The following GLB1L3 variants were observed in gnomAD, a reference collection of about 807,000 sequenced individuals.
GLB1L3 encodes the protein galactosidase beta 1 like 3, also known as beta-galactosidase-1-like protein 3.
In GLB1L3, 89 loss-of-function variants were observed where a neutral mutation model predicts 89.5. That is an observed-to-expected ratio of 0.99 (90% CI 0.84 to 1.19). The LOEUF is 1.19. Ranked by LOEUF, GLB1L3 falls within the 50% of genes most tolerant of loss-of-function variation. The pLI is 0.00. For missense variants in GLB1L3, 812 were observed against 813.3 expected, an observed-to-expected ratio of 1.00 and a Z score of 0.02; for synonymous variants, 314 against 312.3, an observed-to-expected ratio of 1.01 and a Z score of -0.06.
At chr11:134,293,628 A>C (rs1297071926) in intron 9 of GLB1L3, among the ~76,000 whole-genome samples, 2 of 152,080 alleles carry the variant, frequency 1.3e-5, no homozygotes, top group Non-Finnish European at 2.9e-5. Context: ...TAAGACGTGG[A>C]TTGAGCGGCT....
At chr11:134,295,724 T>C (rs1465572254) in intron 9 of GLB1L3, among the ~76,000 whole-genome samples, 1 of 152,200 alleles carries the variant, frequency 6.6e-6, no homozygotes, top group Non-Finnish European at 1.5e-5. Flanking sequence ...GAACTTTTTT[T>C]CTTTTCTAAT....
At chr11:134,310,916 G>C in intron 12 of GLB1L3, 148 bp from the exon 13 acceptor site, 2 of 676,956 alleles carry the variant, frequency 3.0e-6, no homozygotes, top group African/African-American at 1.8e-5. Flanking sequence ...TGCGAAGATT[G>C]AGTTACTCTT....
chr11:134,286,913 C>A (rs1941029722), intron 6 of GLB1L3, among the ~76,000 whole-genome samples: 1 of 151,678 alleles, frequency 6.6e-6, no homozygotes. Flanking sequence ...GTAATTCCAG[C>A]ACTTTGGGAG....
In GLB1L3 at chr11:134,281,235, C is replaced by T. The variant is rs113095861; in HGVS notation, c.363-142C>T. 4.8e-3 allele frequency: 4,399 copies of T among 925,602 alleles called. 127 individuals are homozygous for T. The African/African-American group carries it at 0.063, about 13-fold the overall frequency. The allele number at this position is 925,602 out of a possible 1,614,324, so 57.3% of individuals were successfully genotyped here. A position where few individuals can be genotyped will look rare whatever the true frequency, so the allele number is the denominator to read the frequency against. ...TTAAAGATGGTCATGGTTAGTGTAA[C>T]AGAGGTTTAATTTCCACTGGTAACT... On this transcript the variant is annotated intron_variant, in intron 3 of 19. Transcript: ENST00000431683.
intron 9 of GLB1L3, among the ~76,000 whole-genome samples, chr11:134,304,283 G>A (rs1458476727): frequency 6.6e-6 from 1 of 152,088 alleles, no homozygotes; most frequent in Non-Finnish European, 1.5e-5. Context: ...TCTCTTTTCA[G>A]CTGTATCTAT....
At chr11:134,316,296 A>G (rs746567211) in intron 18 of GLB1L3, among the ~76,000 whole-genome samples, 10 of 152,002 alleles carry the variant, frequency 6.6e-5, no homozygotes, top group Non-Finnish European at 1.3e-4. Flanking sequence ...AGAATTCAGA[A>G]TGTACATAAT....
rs774020089 is a variant in GLB1L3 at position 134,281,461 on chromosome 11, G to T, written c.431+16G>T. ...TGGACCTGGAGTATGTGGTGTTGCTGCTTCTGTGCCCTGGTCAGGGGCAGG... is the reference window on the plus strand; with the variant it reads ...TGGACCTGGAGTATGTGGTGTTGCTTCTTCTGTGCCCTGGTCAGGGGCAGG... On this transcript the variant is annotated intron_variant, in intron 4 of 19. Transcript: ENST00000431683. 2.5e-6 allele frequency: 4 copies of T among 1,578,182 alleles called. No individual in the cohort carries two copies. In the East Asian group the frequency reaches 8.9e-5, roughly 35 times the overall value.
intron 10 of GLB1L3, among the ~76,000 whole-genome samples, chr11:134,308,414 C>T (rs1371841609): frequency 1.8e-5 from 2 of 109,638 alleles, no homozygotes; most frequent in East Asian, 5.3e-4. Context: ...TCACCACCAC[C>T]ACCATCATCA....
intron 1 of GLB1L3, 89 bp from the exon 2 acceptor site, chr11:134,277,237 C>G (rs1447796190): frequency 6.3e-7 from 1 of 1,580,156 alleles, no homozygotes; most frequent in Non-Finnish European, 8.7e-7. Context: ...GCTCTGGCCT[C>G]TAAAGCGCCC....
chr11:134,286,279 G>C (rs376358202), intron 6 of GLB1L3, among the ~76,000 whole-genome samples: 2 of 152,194 alleles, frequency 1.3e-5, no homozygotes, highest in East Asian at 1.9e-4. Context: ...ATGTGAGAGA[G>C]AGCTTAGGAA....
At chr11:134,288,596 C>T (rs928309556) in intron 6 of GLB1L3, among the ~76,000 whole-genome samples, 1 of 152,134 alleles carries the variant, frequency 6.6e-6, no homozygotes, top group Non-Finnish European at 1.5e-5. Context: ...CGTACTGTAA[C>T]GCACTAGGGA....
intron 10 of GLB1L3, 79 bp downstream of exon 10, chr11:134,307,287 AATTG>A: frequency 9.8e-7 from 1 of 1,021,038 alleles, no homozygotes; most frequent in Admixed American, 2.2e-5. Flanking sequence ...GTTCTCTGCT[AATTG>A]ATTCACTTGA....
intron 5 of GLB1L3, among the ~76,000 whole-genome samples, chr11:134,282,393 G>A (rs1383413574): frequency 6.6e-6 from 1 of 152,100 alleles, no homozygotes; most frequent in Non-Finnish European, 1.5e-5. Context: ...AAGAGGGTGT[G>A]CGCGGGGAGA....
rs1352379501 is a variant in GLB1L3 at position 134,302,516 on chromosome 11, AAAT to A, written c.877-4605_877-4603del. Among the ~76,000 whole-genome samples the A allele has an allele frequency of 2.0e-5, 3 of 152,318 alleles. No individual in the cohort carries two copies. The East Asian group carries it at 5.8e-4, about 29-fold the overall frequency. The stretch of plus-strand genomic sequence containing the variant: ...GAAATAACACTGATAATATTACTGA[AAAT>A]AAGAAAAATCTAATGATCTTAAAGA... On this transcript the variant is annotated intron_variant, in intron 9 of 19. Coordinates refer to ENST00000431683, the MANE Select transcript of GLB1L3 (RefSeq NM_001080407.3).
At position 134,310,751 on chromosome 11, in the gene GLB1L3, G is replaced by C. The variant is rs1942689748; in HGVS notation, c.1180+100G>C. ...GCGTGGGTCTCCCTTGTGGGCAGCA[G>C]TTACACCAAGCTCCTGAGAACAAGG... is the stretch of plus-strand genomic sequence containing the variant. On this transcript the variant is annotated intron_variant, in intron 12 of 19. Transcript: ENST00000431683. The C allele has an allele frequency of 1.1e-5, 9 of 850,490 alleles. No individual in the cohort carries two copies. The South Asian group carries it at 1.4e-4, about 13-fold the overall frequency. The allele number at this position is 850,490 out of a possible 1,614,324, so 52.7% of individuals were successfully genotyped here.
intron 9 of GLB1L3, among the ~76,000 whole-genome samples, chr11:134,305,766 A>T (rs535450913): frequency 5.9e-5 from 9 of 152,236 alleles, no homozygotes; most frequent in Non-Finnish European, 8.8e-5. Flanking sequence ...GATATGAATA[A>T]GATTATACCT....
intron 9 of GLB1L3, among the ~76,000 whole-genome samples, chr11:134,295,963 G>A (rs1028061484): frequency 6.6e-6 from 1 of 152,064 alleles, no homozygotes; most frequent in African/African-American, 2.4e-5. Flanking sequence ...ATACTGTTAA[G>A]GCCCAAGAAC....
At chr11:134,283,942 G>C in intron 6 of GLB1L3, 97 bp downstream of exon 6, 1 of 715,256 alleles carries the variant, frequency 1.4e-6, no homozygotes, top group South Asian at 1.7e-5. Context: ...CAGTCTCCAT[G>C]AACAATTGAG....
intron 18 of GLB1L3, among the ~76,000 whole-genome samples, chr11:134,316,187 T>G (rs1039157838): frequency 6.6e-6 from 1 of 151,986 alleles, no homozygotes; most frequent in African/African-American, 2.4e-5. Flanking sequence ...TTTGCCTATA[T>G]TGGAAATGAC....
Sources: gnomAD v4.1 joint callset for allele counts (sites outside exome capture counted in the v4.1 genomes callset) on GRCh38, gnomAD v4.1.1 for gene constraint, MANE v1.5 for transcripts, NCBI Gene and HGNC (gene_info 2026-07-23, HGNC 2026-07-21) for gene names.